The following ESRRB variants were observed in gnomAD, a reference collection of about 807,000 sequenced individuals.
The protein encoded by ESRRB is steroid hormone receptor ERR2.
A neutral mutation model predicts 46.0 loss-of-function variants in ESRRB; 16 were observed. That is an observed-to-expected ratio of 0.35 (90% confidence interval 0.24 to 0.53). The LOEUF is 0.53. Ranked by LOEUF, ESRRB falls within the 20% of genes least tolerant of loss-of-function variation. The probability of loss-of-function intolerance (pLI) is 0.93; values close to 1 mark genes in which losing one functional copy is unlikely to be tolerated. For synonymous variants in ESRRB, 246 were observed against 259.6 expected, an observed-to-expected ratio of 0.95 and a Z score of 0.50; for missense variants, 488 against 607.4, an observed-to-expected ratio of 0.80 and a Z score of 2.07.
At chr14:76,359,855 T>C (rs1163229217) in intron 1 of ESRRB, among the ~76,000 whole-genome samples, 1 of 152,094 alleles carries the variant, frequency 6.6e-6, no homozygotes, top group Non-Finnish European at 1.5e-5. Context: ...TCGTATTTGC[T>C]GGGACTCTTG....
chr14:76,458,875 C>T (rs1255628547), intron 2 of ESRRB, among the ~76,000 whole-genome samples: 2 of 142,874 alleles, frequency 1.4e-5, no homozygotes, highest in Non-Finnish European at 3.0e-5. Context: ...GACAGAGTCT[C>T]GCTCTGTCAC....
At chr14:76,348,248 T>C (rs1884272472) in intron 1 of ESRRB, among the ~76,000 whole-genome samples, 1 of 152,166 alleles carries the variant, frequency 6.6e-6, no homozygotes, top group African/African-American at 2.4e-5. Flanking sequence ...AAGGAAACAC[T>C]GATAACCTTT....
chr14:76,472,848 G>T (rs1309842151), intron 3 of ESRRB, among the ~76,000 whole-genome samples: 1 of 152,218 alleles, frequency 6.6e-6, no homozygotes, highest in Admixed American at 6.5e-5. Context: ...TTCCTGGGAA[G>T]AACACTGGCC....
intron 1 of ESRRB, among the ~76,000 whole-genome samples, chr14:76,420,558 A>AATGT: frequency 7.0e-6 from 1 of 142,466 alleles, no homozygotes; most frequent in East Asian, 2.0e-4. Context: ...ACAGGGTGTG[A>AATGT]GTGTGTGTGT....
intron 1 of ESRRB, among the ~76,000 whole-genome samples, chr14:76,411,687 C>A (rs532030011): frequency 6.2e-4 from 95 of 152,248 alleles, no homozygotes; most frequent in Non-Finnish European, 1.2e-3. Flanking sequence ...CAGATAATCA[C>A]AGTATCAACC....
At chr14:76,471,400 C>G (rs1595151995) in intron 3 of ESRRB, among the ~76,000 whole-genome samples, 1 of 152,298 alleles carries the variant, frequency 6.6e-6, no homozygotes, top group East Asian at 1.9e-4. Flanking sequence ...CTCCATAGCA[C>G]TTAAAATACA....
chr14:76,439,773 C>G (rs765676575), intron 2 of ESRRB, 23 bp downstream of exon 2: 1 of 1,610,254 alleles, frequency 6.2e-7, no homozygotes, highest in Non-Finnish European at 8.5e-7. Flanking sequence ...CCTCAAGGAG[C>G]CTGGGCGCAG....
chr14:76,484,536 G>C (rs956211591), intron 5 of ESRRB, among the ~76,000 whole-genome samples: 1 of 152,132 alleles, frequency 6.6e-6, no homozygotes, highest in African/African-American at 2.4e-5. Flanking sequence ...AGGTTGAACA[G>C]ATCCTGCATC....
upstream of ESRRB, among the ~76,000 whole-genome samples, chr14:76,370,748 A>G (rs1248171051): frequency 1.3e-5 from 2 of 152,144 alleles, no homozygotes; most frequent in Non-Finnish European, 2.9e-5. Flanking sequence ...GGTAGTTGGT[A>G]GGAAAAAAAA....
chr14:76,392,357 A>C lies in ESRRB; in HGVS notation c.50+15906A>C, dbSNP rs117588779. On this transcript the variant is annotated intron_variant, in intron 1 of 6. Transcript: ENST00000644823. ...TTTTTGGGAGTGCTAGAATTTATCAACTTGGAGGGGAAGGAAGCTGCTGTT... is the reference window on the plus strand; with the variant it reads ...TTTTTGGGAGTGCTAGAATTTATCACCTTGGAGGGGAAGGAAGCTGCTGTT... Among the ~76,000 whole-genome samples the C allele has an allele frequency of 1.9e-3, 282 of 152,228 alleles. 6 individuals are homozygous for C. In the East Asian group the frequency reaches 0.05, roughly 27 times the overall value.
intron 1 of ESRRB, among the ~76,000 whole-genome samples, chr14:76,355,020 C>CT (rs1360365261): frequency 6.6e-6 from 1 of 152,074 alleles, no homozygotes; most frequent in African/African-American, 2.4e-5. Flanking sequence ...CGGTCCTGGG[C>CT]TTTATCTGCA....
chr14:76,437,634 G>A (rs28488662), intron 1 of ESRRB, among the ~76,000 whole-genome samples: 27,851 of 152,138 alleles, frequency 0.18, 2,604 homozygotes, highest in Middle Eastern at 0.24. Flanking sequence ...TCCATAGGGG[G>A]AGGCTCAGGG....
intron 1 of ESRRB, among the ~76,000 whole-genome samples, chr14:76,399,271 G>A (rs958956180): frequency 1.8e-4 from 28 of 152,208 alleles, no homozygotes; most frequent in African/African-American, 3.9e-4. Context: ...TCCCTGTGAC[G>A]GAGTCCAAGG....
chr14:76,426,820 C>T (rs1260951395), intron 1 of ESRRB, among the ~76,000 whole-genome samples: 1 of 152,072 alleles, frequency 6.6e-6, no homozygotes, highest in Non-Finnish European at 1.5e-5. Flanking sequence ...TTTCTAAGCC[C>T]AGGAGTTCAA....
At chr14:76,395,965 G>A (rs895894612) in intron 1 of ESRRB, among the ~76,000 whole-genome samples, 1 of 152,038 alleles carries the variant, frequency 6.6e-6, no homozygotes, top group Non-Finnish European at 1.5e-5. Flanking sequence ...ACAAGGCCAA[G>A]AGTTCGATAC....
intron 3 of ESRRB, among the ~76,000 whole-genome samples, chr14:76,463,939 G>A (rs953781174): frequency 6.6e-6 from 1 of 152,086 alleles, no homozygotes; most frequent in African/African-American, 2.4e-5. Flanking sequence ...CTGGGCTCAG[G>A]CAGTCCTCCC....
intron 1 of ESRRB, among the ~76,000 whole-genome samples, chr14:76,354,401 G>A (rs1030471210): frequency 1.3e-5 from 2 of 152,094 alleles, no homozygotes; most frequent in African/African-American, 4.8e-5. Flanking sequence ...CTCCTGCGAT[G>A]AAGCCAGGCT....
At chr14:76,354,772 C>T (rs907908110) in intron 1 of ESRRB, among the ~76,000 whole-genome samples, 2 of 147,510 alleles carry the variant, frequency 1.4e-5, no homozygotes, top group Admixed American at 6.8e-5. Context: ...TGCAATGGCT[C>T]GATCTCAGCT....
At chr14:76,372,837 GAAAGA>G (rs1884656723), upstream of ESRRB, among the ~76,000 whole-genome samples, 1 of 152,084 alleles carries the variant, frequency 6.6e-6, no homozygotes, top group South Asian at 2.1e-4. Context: ...GTCTCAAAAA[GAAAGA>G]AAAGAAAAGA....
Sources: allele counts gnomAD v4.1 joint callset (sites outside exome capture counted in the v4.1 genomes callset), GRCh38; gene constraint gnomAD v4.1.1; transcripts MANE v1.5; gene names NCBI Gene and HGNC (gene_info 2026-07-23, HGNC 2026-07-21).